The following GTF3C1 variants were observed in gnomAD, a reference collection of about 807,000 sequenced individuals.
GTF3C1 encodes the protein general transcription factor IIIC subunit 1.
In GTF3C1, 57 loss-of-function variants were observed where a neutral mutation model predicts 226.7. The ratio of observed to expected loss-of-function variants is 0.25; its 90% CI spans 0.20 to 0.31. GTF3C1 has a LOEUF of 0.31. Among genes scored for constraint, GTF3C1 ranks in the 10% least tolerant of loss-of-function variants. GTF3C1 has a pLI of 1.00. For synonymous variants in GTF3C1, 1,090 were observed against 1,084.8 expected (o/e 1.00, Z -0.09); for missense variants, 2,217 against 2,776.1 (o/e 0.80, Z 4.53).
In GTF3C1 at chr16:27,492,412, T is replaced by C. The variant is rs747687214; in HGVS notation, c.3077A>G (p.Tyr1026Cys). The change falls in exon 19 of 37, where the codon TAT (tyrosine) becomes TGT (cysteine). Residue 1026 changes from tyrosine (Y) to cysteine (C), a missense_variant. By Grantham distance (194) the Tyr-to-Cys change is radical. Transcript: ENST00000356183. This position sits in a 1 kb window ranked among gnomAD's most constrained non-coding sequence, Gnocchi z 5.0. ...CACATCCTGCATTGAGTTCAGGACA[T>C]AGAGGCGCCTCTCGAAGGGCCGGCT... ...RSSRPFERRL[Y>C]VLNSMQDVEN... is the part of the protein sequence containing the mutation. 5.0e-6 allele frequency: 8 copies of C among 1,611,300 alleles called. No homozygotes were observed. The Admixed American group carries it at 5.0e-5, about 10-fold the overall frequency.
chr16:27,527,486 G>A (rs2088850647), intron 6 of GTF3C1, among the ~76,000 whole-genome samples: 1 of 152,078 alleles, frequency 6.6e-6, no homozygotes, highest in South Asian at 2.1e-4. Context: ...CCCAGACTAA[G>A]GAAGGTTTTT....
intron 10 of GTF3C1, among the ~76,000 whole-genome samples, chr16:27,505,223 T>A (rs1000483103): frequency 6.6e-6 from 1 of 152,256 alleles, no homozygotes; most frequent in African/African-American, 2.4e-5. Flanking sequence ...TTTAACTCCT[T>A]GATATATAAC....
Position 27,545,412 on chromosome 16 carries a change from C to T in GTF3C1, c.333G>A (p.Gln111=). The change falls in exon 2 of 37, where the codon CAG becomes CAA. Residue 111 remains glutamine (Q), a synonymous_variant. Coordinates refer to ENST00000356183, the MANE Select transcript of GTF3C1 (RefSeq NM_001520.4). ...HMILENKDGI[Q]GSCRYFKERK... is the part of the protein sequence containing the mutation. ...TCTCCTTAAAGTAGCGGCATGAGCCCTGGATGCCATCCTTATTCTCTAAGA... is the reference window on the plus strand; with the variant it reads ...TCTCCTTAAAGTAGCGGCATGAGCCTTGGATGCCATCCTTATTCTCTAAGA... 6.2e-7 allele frequency: 1 copy of T among 1,612,908 alleles called. No homozygotes were observed. Among genetic ancestry groups the T allele is most frequent in the Non-Finnish European group, 8.5e-7 (1 of 1,178,872 alleles).
intron 26 of GTF3C1, chr16:27,482,556 C>A (rs1281096056): frequency 8.8e-6 from 4 of 455,980 alleles, no homozygotes; most frequent in Non-Finnish European, 1.8e-5. Context: ...TGTCCACTGG[C>A]CTCACTTGGC....
chr16:27,461,598 G>A lies in GTF3C1; in HGVS notation c.6118-36C>T. 7.0e-7 allele frequency: 1 copy of A among 1,425,152 alleles called. No individual in the cohort carries two copies. Among genetic ancestry groups the A allele is most frequent in the East Asian group, 2.3e-5 (1 of 43,906 alleles). The allele number at this position is 1,425,152 out of a possible 1,614,324, so 88.3% of individuals were successfully genotyped here. On this transcript the variant is annotated intron_variant, in intron 36 of 36. Coordinates refer to ENST00000356183, the MANE Select transcript of GTF3C1 (RefSeq NM_001520.4). This position sits in a 1 kb window ranked among gnomAD's most constrained non-coding sequence, Gnocchi z 5.3. ...CAGACACACAGGTTACAGCGGCACT[G>A]CCCTCGCCTGCTTGTTGATTTATTC...
chr16:27,530,920 A>G (rs746433718), intron 5 of GTF3C1, among the ~76,000 whole-genome samples: 1 of 152,164 alleles, frequency 6.6e-6, no homozygotes, highest in Non-Finnish European at 1.5e-5. Context: ...AGTCACCTCT[A>G]CATCCCAGTG....
At chr16:27,488,518 A>C (rs769959081) in intron 22 of GTF3C1, 36 bp downstream of exon 22, 1 of 1,585,744 alleles carries the variant, frequency 6.3e-7, no homozygotes, top group East Asian at 2.2e-5. Flanking sequence ...AACTGGTACC[A>C]TATTAACTTC....
In GTF3C1 at chr16:27,464,453, G is replaced by C. The variant is rs1413751445; in HGVS notation, c.5739C>G (p.Pro1913=). ...DGAEAQAPSP[P]PALEDTAAAG... ...CTGCAGCGGTGTCTTCAAGAGCTGG[G>C]GGTGGAGATGGGGCCTGGGCTTCTG... The change falls in exon 34 of 37, where the codon CCC becomes CCG. Residue 1913 remains proline, a synonymous_variant. Transcript: ENST00000356183. The C allele has an allele frequency of 6.3e-7, 1 of 1,597,622 alleles. No homozygotes were observed. Among genetic ancestry groups the C allele is most frequent in the Non-Finnish European group, 8.5e-7 (1 of 1,172,636 alleles).
intron 14 of GTF3C1, among the ~76,000 whole-genome samples, chr16:27,496,414 A>ATTG (rs1281671000): frequency 1.3e-5 from 2 of 152,012 alleles, no homozygotes; most frequent in Non-Finnish European, 2.9e-5. Flanking sequence ...TTTGTTGTTT[A>ATTG]TTGTTGTTGT....
intron 27 of GTF3C1, among the ~76,000 whole-genome samples, chr16:27,479,792 T>A (rs2088011124): frequency 1.3e-5 from 2 of 152,202 alleles, no homozygotes; most frequent in Non-Finnish European, 2.9e-5. Flanking sequence ...CTATTCTGCC[T>A]TGCCTGCCAG....
chr16:27,500,888 A>G (rs1337094817), intron 12 of GTF3C1, among the ~76,000 whole-genome samples: 13 of 152,294 alleles, frequency 8.5e-5, no homozygotes, highest in Non-Finnish European at 2.9e-5. Flanking sequence ...ATGTTATTTC[A>G]TTTGTCCCTC....
At chr16:27,474,764 A>C (rs2087928046) in intron 29 of GTF3C1, among the ~76,000 whole-genome samples, 1 of 152,176 alleles carries the variant, frequency 6.6e-6, no homozygotes, top group Admixed American at 6.5e-5. Context: ...CACAGATACT[A>C]GCCTTCCACT....
chr16:27,497,271 T>C (rs942287412), intron 14 of GTF3C1, among the ~76,000 whole-genome samples: 4 of 152,236 alleles, frequency 2.6e-5, no homozygotes, highest in African/African-American at 9.6e-5. Flanking sequence ...TCAATGACTG[T>C]GCTGCCAGGG....
Position 27,538,150 on chromosome 16 carries a change from T to C in GTF3C1, c.608+30A>G, listed in dbSNP as rs185723227. ...ATTCAGGGTGCAATGACATATAATT[T>C]AAAGCAGAGAAGCAAATCCCCCCAC... On this transcript the variant is annotated intron_variant, in intron 3 of 36. Transcript: ENST00000356183. 5.5e-4 allele frequency: 806 copies of C among 1,470,602 alleles called. 7 individuals are homozygous for C. The highest frequency in any genetic ancestry group is 2.6e-5 in the Non-Finnish European group (28 of 1,086,784). 91.1% of individuals were successfully genotyped at this position (1,470,602 alleles called of 1,614,324 possible). A position where few individuals can be genotyped will look rare whatever the true frequency, so the allele number is the denominator to read the frequency against.
chr16:27,484,448 G>C, intron 24 of GTF3C1, 95 bp from the exon 25 acceptor site: 2 of 814,038 alleles, frequency 2.5e-6, no homozygotes, highest in South Asian at 1.5e-5. Context: ...TGTGTTTTGT[G>C]CAGCCTCCTT....
intron 4 of GTF3C1, among the ~76,000 whole-genome samples, chr16:27,536,785 C>T (rs10852319): frequency 0.78 from 118,106 of 152,066 alleles, 46,688 homozygotes; most frequent in South Asian, 0.9. Flanking sequence ...CAGCTAAGGG[C>T]TGCTCTTCCC....
Position 27,505,940 on chromosome 16 carries a change from C to T in GTF3C1, c.1729G>A (p.Asp577Asn). The change falls in exon 10 of 37, where the codon GAC (aspartate) becomes AAC (asparagine). Residue 577 changes from aspartate to asparagine, a missense_variant. This residue lies in a region of GTF3C1 where 173 missense variants were observed against 207.2 expected (regional missense o/e 0.83). Coordinates refer to ENST00000356183, the MANE Select transcript of GTF3C1 (RefSeq NM_001520.4). ...CGGACCTCCTCGATCACAGCTATGT[C>T]ACCACTGTTGCTGTCCGCACAGTGG... is the stretch of plus-strand genomic sequence containing the variant. ...VSHCADSNSG[D>N]IAVIEEVRME... 1 of 1,612,646 alleles carries T rather than the reference C, an allele frequency of 6.2e-7. No individual in the cohort carries two copies. The highest frequency in any genetic ancestry group is 8.5e-7 in the Non-Finnish European group (1 of 1,178,642).
chr16:27,540,843 CTT>C (rs1214995250), intron 2 of GTF3C1, among the ~76,000 whole-genome samples: 1 of 151,680 alleles, frequency 6.6e-6, no homozygotes, highest in African/African-American at 2.4e-5. Context: ...GGAGATGACT[CTT>C]TTTTTCTTTT....
chr16:27,478,057 G>A (rs2087980033), intron 28 of GTF3C1, among the ~76,000 whole-genome samples: 1 of 152,132 alleles, frequency 6.6e-6, no homozygotes, highest in Non-Finnish European at 1.5e-5. Flanking sequence ...TGTAATCTCA[G>A]CTATTCGGGA....
Sources: gnomAD v4.1 joint callset for allele counts (sites outside exome capture counted in the v4.1 genomes callset) on GRCh38, gnomAD v4.1.1 for gene constraint, gnomAD v4.1.1 regional missense constraint, Gnocchi (gnomAD v3.1) non-coding constraint, MANE v1.5 for transcripts, NCBI Gene and HGNC (gene_info 2026-07-23, HGNC 2026-07-21) for gene names.